Variants in ARHGEF7 observed in about 807,000 individuals in gnomAD.
ARHGEF7 encodes the protein PAK-interacting exchange factor beta.
Under a neutral mutation model 109.8 loss-of-function variants are expected in ARHGEF7, and 33 were observed. The ratio of observed to expected loss-of-function variants is 0.30; its 90% CI spans 0.23 to 0.40. The LOEUF is 0.40. Among genes scored for constraint, ARHGEF7 ranks in the 10% least tolerant of loss-of-function variants. The probability of loss-of-function intolerance (pLI) is 1.00; values close to 1 mark genes in which losing one functional copy is unlikely to be tolerated. For missense variants in ARHGEF7, 938 were observed against 1,098.5 expected (o/e 0.85, Z 2.07); for synonymous variants, 458 against 424.6 (o/e 1.08, Z -0.97).
At chr13:111,221,544 TAC>T (rs1214909324) in intron 5 of ARHGEF7, among the ~76,000 whole-genome samples, 3 of 72,498 alleles carry the variant, frequency 4.1e-5, no homozygotes, top group African/African-American at 9.8e-5. Flanking sequence ...TATATATAGA[TAC>T]ATATCTATAT....
At chr13:111,116,334 T>C (rs1395256701) in intron 1 of ARHGEF7, 1 of 152,700 alleles carries the variant, frequency 6.5e-6, no homozygotes, top group African/African-American at 2.4e-5. Context: ...GGTCCCTCCC[T>C]CGTTCTGAAC....
At chr13:111,300,144 TG>T (rs2093530927) in intron 19 of ARHGEF7, among the ~76,000 whole-genome samples, 1 of 152,192 alleles carries the variant, frequency 6.6e-6, no homozygotes, top group Non-Finnish European at 1.5e-5. Context: ...CTTGTGTAGG[TG>T]TTGGTTAAAT....
intron 5 of ARHGEF7, among the ~76,000 whole-genome samples, chr13:111,226,061 C>A (rs2085173720): frequency 6.6e-6 from 1 of 152,180 alleles, no homozygotes; most frequent in Non-Finnish European, 1.5e-5. Flanking sequence ...CTCCAGTGAA[C>A]ACATGAATGA....
chr13:111,144,992 GC>G (rs1238174127), intron 1 of ARHGEF7, among the ~76,000 whole-genome samples: 2 of 151,612 alleles, frequency 1.3e-5, no homozygotes, highest in African/African-American at 4.9e-5. Context: ...TGCAGAGACA[GC>G]TCCATGCATT....
intron 13 of ARHGEF7, among the ~76,000 whole-genome samples, chr13:111,279,450 G>T (rs1213854715): frequency 1.3e-5 from 2 of 152,170 alleles, no homozygotes. Context: ...GTGGGGGCAC[G>T]TTCCCCACAC....
intron 19 of ARHGEF7, chr13:111,294,193 G>A: frequency 1.0e-6 from 1 of 985,374 alleles, no homozygotes; most frequent in Non-Finnish European, 1.2e-6. Flanking sequence ...TAACTACAAA[G>A]TTTCTATACT....
In ARHGEF7 at chr13:111,115,488, GGC is replaced by G. The variant is rs2066669388; in HGVS notation, c.-32_-31del. The G allele has an allele frequency of 3.4e-6, 4 of 1,179,012 alleles. No homozygotes were observed. The highest frequency in any genetic ancestry group is 5.3e-5 in the East Asian group (1 of 18,826). 73.0% of individuals were successfully genotyped at this position (1,179,012 alleles called of 1,614,324 possible). A position where few individuals can be genotyped will look rare whatever the true frequency, so the allele number is the denominator to read the frequency against. Reference sequence around the variant, plus strand: ...GGCCGGGCCGCCGCTCCGAGGTGAAGGCGCGCGCCCCTCCCCGCCTGCCTCCC... The same window carrying G: ...GGCCGGGCCGCCGCTCCGAGGTGAAGGCGCGCCCCTCCCCGCCTGCCTCCC... On this transcript the variant is annotated 5_prime_UTR_variant, in exon 1 of 22. Coordinates refer to ENST00000646102, the MANE Select transcript of ARHGEF7 (RefSeq NM_001354046.2).
chr13:111,139,995 G>A (rs978529954), intron 1 of ARHGEF7, among the ~76,000 whole-genome samples: 4 of 152,320 alleles, frequency 2.6e-5, no homozygotes. Flanking sequence ...TCTTTTTCGG[G>A]ATAGTTCCTG....
At position 111,222,124 on chromosome 13, in the gene ARHGEF7, C is replaced by A. The variant is rs375982641; in HGVS notation, c.670+4244C>A. On this transcript the variant is annotated intron_variant, in intron 5 of 21. Coordinates refer to ENST00000646102, the MANE Select transcript of ARHGEF7 (RefSeq NM_001354046.2). ...CAAATGTGAATCTCCTTTAGCAACA[C>A]CCTCACAGACACACCCAGGATTAAT... is the stretch of plus-strand genomic sequence containing the variant. Among the ~76,000 whole-genome samples, 71 of 152,288 alleles carry A rather than the reference C, an allele frequency of 4.7e-4. 1 individual carries two copies. In the East Asian group the frequency reaches 0.01, roughly 22 times the overall value.
chr13:111,205,210 G>T lies in ARHGEF7; in HGVS notation c.253-79G>T, dbSNP rs1402975711. Reference sequence around the variant, plus strand: ...TTAGGATTTCAGGCTGAGCATCGTCGCGTTGCTGGGAGAACTTAGTTCATC... The same window carrying T: ...TTAGGATTTCAGGCTGAGCATCGTCTCGTTGCTGGGAGAACTTAGTTCATC... On this transcript the variant is annotated intron_variant, in intron 2 of 21. Transcript: ENST00000646102. 4 of 1,100,652 alleles carry T rather than the reference G, an allele frequency of 3.6e-6. No individual in the cohort carries two copies. In the South Asian group the frequency reaches 5.8e-5, roughly 16 times the overall value. 68.2% of individuals were successfully genotyped at this position (1,100,652 alleles called of 1,614,324 possible).
chr13:111,159,218 T>G (rs2076567351), intron 2 of ARHGEF7: 2 of 621,200 alleles, frequency 3.2e-6, no homozygotes, highest in Non-Finnish European at 5.8e-6. Flanking sequence ...CAGGATTTCC[T>G]TTTTTTAAAA....
intron 18 of ARHGEF7, among the ~76,000 whole-genome samples, chr13:111,290,479 G>T (rs1421183697): frequency 6.6e-6 from 1 of 152,182 alleles, no homozygotes; most frequent in South Asian, 2.1e-4. Flanking sequence ...GGACTGGAGC[G>T]TCTGAGGATT....
At chr13:111,164,271 T>C (rs897304416) in intron 2 of ARHGEF7, among the ~76,000 whole-genome samples, 6 of 152,178 alleles carry the variant, frequency 3.9e-5, no homozygotes, top group Non-Finnish European at 8.8e-5. Flanking sequence ...GCTCAGCCAG[T>C]GAAGAGATGC....
intron 2 of ARHGEF7, among the ~76,000 whole-genome samples, chr13:111,181,844 C>T (rs2078764376): frequency 6.6e-6 from 1 of 152,172 alleles, no homozygotes; most frequent in Non-Finnish European, 1.5e-5. Context: ...AGGAAGCGAC[C>T]TTTGAAAGGG....
chr13:111,206,012 C>T (rs189883742), intron 3 of ARHGEF7, among the ~76,000 whole-genome samples: 5 of 152,278 alleles, frequency 3.3e-5, no homozygotes, highest in Admixed American at 2.0e-4. Flanking sequence ...AGGAAATGCT[C>T]CATGAGCCCT....
In ARHGEF7 at chr13:111,118,909, G is replaced by T. The variant is rs149458066; in HGVS notation, c.165+3218G>T. Among the ~76,000 whole-genome samples the T allele has an allele frequency of 2.5e-3, 380 of 152,278 alleles. 8 individuals are homozygous for T. The East Asian group carries it at 0.042, about 17-fold the overall frequency. On this transcript the variant is annotated intron_variant, in intron 1 of 21. Coordinates refer to ENST00000646102, the MANE Select transcript of ARHGEF7 (RefSeq NM_001354046.2). ...TGTGTAATCCATGTGATGTGCTCCC[G>T]AGAACCCTGGCTAGGTGTTTGTGGA...
At chr13:111,275,235 A>T (rs2092409179) in intron 11 of ARHGEF7, among the ~76,000 whole-genome samples, 1 of 152,220 alleles carries the variant, frequency 6.6e-6, no homozygotes, top group South Asian at 2.1e-4. Flanking sequence ...ATGAAAATAC[A>T]GTTCTTGTCC....
chr13:111,223,307 T>C (rs972157165), intron 5 of ARHGEF7, among the ~76,000 whole-genome samples: 1 of 152,232 alleles, frequency 6.6e-6, no homozygotes, highest in African/African-American at 2.4e-5. Context: ...GAAAACAAAA[T>C]TGTGCCAGGT....
intron 20 of ARHGEF7, 33 bp from the exon 21 acceptor site, chr13:111,301,445 G>A (rs2093565152): frequency 3.8e-6 from 6 of 1,598,612 alleles, no homozygotes; most frequent in Non-Finnish European, 5.1e-6. Context: ...GCCTCACCTT[G>A]TTCATGTGTG....
Sources: allele counts gnomAD v4.1 joint callset (sites outside exome capture counted in the v4.1 genomes callset), GRCh38; gene constraint gnomAD v4.1.1; transcripts MANE v1.5; gene names NCBI Gene and HGNC (gene_info 2026-07-23, HGNC 2026-07-21).